The following ARL5B variants were observed in gnomAD, a reference collection of about 807,000 sequenced individuals.
The protein encoded by ARL5B is ADP-ribosylation factor-like protein 5B.
Under a neutral mutation model 26.9 loss-of-function variants are expected in ARL5B, and 10 were observed. The ratio of observed to expected loss-of-function variants is 0.37; its 90% CI spans 0.23 to 0.63. The LOEUF is 0.63. ARL5B is among the 30% of genes least tolerant of loss of function. The probability of loss-of-function intolerance (pLI) is 0.62; values close to 1 mark genes in which losing one functional copy is unlikely to be tolerated. For missense variants in ARL5B, 167 were observed against 213.9 expected, an observed-to-expected ratio of 0.78 and a Z score of 1.37; for synonymous variants, 87 against 70.4, an observed-to-expected ratio of 1.24 and a Z score of -1.18.
In ARL5B at chr10:18,659,971, G is replaced by A. The variant is rs914923810; in HGVS notation, c.46+288G>A. ...AGCGGGATACAGCTAATGATGCCAG[G>A]AGGCGTATGGAGGGCCTTTCTCGTC... is the stretch of plus-strand genomic sequence containing the variant. On this transcript the variant is annotated intron_variant, in intron 1 of 5. Coordinates refer to ENST00000377275, the MANE Select transcript of ARL5B (RefSeq NM_178815.5). 5.1e-6 allele frequency: 5 copies of A among 977,682 alleles called. No homozygotes were observed. The African/African-American group carries it at 8.8e-5, about 17-fold the overall frequency. 60.6% of individuals were successfully genotyped at this position (977,682 alleles called of 1,614,324 possible). A position where few individuals can be genotyped will look rare whatever the true frequency, so the allele number is the denominator to read the frequency against.
chr10:18,661,357 G>A (rs979366189), intron 1 of ARL5B, among the ~76,000 whole-genome samples: 11 of 152,118 alleles, frequency 7.2e-5, no homozygotes, highest in African/African-American at 2.4e-4. Flanking sequence ...CAGACTAGAG[G>A]TAATAAAAGA....
intron 2 of ARL5B, among the ~76,000 whole-genome samples, chr10:18,667,818 G>A (rs558918014): frequency 3.3e-5 from 5 of 152,036 alleles, no homozygotes; most frequent in East Asian, 1.9e-4. Context: ...AGGTTCAGGC[G>A]GTTCTCCTGC....
chr10:18,659,690 A>G lies in ARL5B; in HGVS notation c.46+7A>G. The stretch of plus-strand genomic sequence containing the variant: ...AGCCTCTTCTGTAACCAAGGTGAGA[A>G]GAATGGAGCTGCGCGGCGGCTCGAA... On this transcript the variant is annotated splice_region_variant and intron_variant, in intron 1 of 5. Transcript: ENST00000377275. 7 of 1,612,306 alleles carry G rather than the reference A, an allele frequency of 4.3e-6. No individual in the cohort carries two copies. Among genetic ancestry groups the G allele is most frequent in the Non-Finnish European group, 5.9e-6 (7 of 1,179,318 alleles).
chr10:18,661,421 C>T (rs2059835976), intron 1 of ARL5B, among the ~76,000 whole-genome samples: 1 of 152,126 alleles, frequency 6.6e-6, no homozygotes, highest in African/African-American at 2.4e-5. Context: ...TACTTTTATA[C>T]TCGCATAATT....
At chr10:18,664,851 A>G (rs950462281) in intron 1 of ARL5B, among the ~76,000 whole-genome samples, 1 of 152,178 alleles carries the variant, frequency 6.6e-6, no homozygotes, top group Non-Finnish European at 1.5e-5. Context: ...GAAGCATCAT[A>G]GTGCAAAAGT....
Position 18,668,546 on chromosome 10 carries a change from G to GT in ARL5B, c.126dup (p.His43SerfsTer11). On this transcript the variant is annotated frameshift_variant, in exon 3 of 6. Transcript: ENST00000377275. LOFTEE classifies it high-confidence loss of function. ...TTTCAACAGCTTAATGAATGAAGTG[G>GT]TTCATACTTCTCCAACCATAGGAAG... The GT allele has an allele frequency of 6.2e-7, 1 of 1,613,984 alleles. No homozygotes were observed. Among genetic ancestry groups the GT allele is most frequent in the Non-Finnish European group, 8.5e-7 (1 of 1,180,008 alleles).
chr10:18,661,583 T>C (rs2059837012), intron 1 of ARL5B, among the ~76,000 whole-genome samples: 1 of 152,094 alleles, frequency 6.6e-6, no homozygotes, highest in African/African-American at 2.4e-5. Flanking sequence ...GCATAGGAGA[T>C]ACAAAATTAA....
intron 1 of ARL5B, among the ~76,000 whole-genome samples, chr10:18,661,720 C>A (rs536296177): frequency 4.2e-4 from 64 of 152,240 alleles, no homozygotes; most frequent in African/African-American, 1.3e-3. Flanking sequence ...GGCTGCAGCA[C>A]AAGGTATACT....
chr10:18,672,169 C>G (rs2059890949), intron 3 of ARL5B, among the ~76,000 whole-genome samples: 1 of 152,016 alleles, frequency 6.6e-6, no homozygotes, highest in South Asian at 2.1e-4. Flanking sequence ...CTTTTTCTTT[C>G]AAACTAGCTT....
At chr10:18,671,582 T>C (rs997126458) in intron 3 of ARL5B, among the ~76,000 whole-genome samples, 1 of 152,092 alleles carries the variant, frequency 6.6e-6, no homozygotes, top group Non-Finnish European at 1.5e-5. Context: ...TTCTTAACTT[T>C]TTATTCTGTA....
At position 18,676,127 on chromosome 10, in the gene ARL5B, A is replaced by G. The variant is rs991840812; in HGVS notation, c.*911A>G. 6.6e-6 allele frequency: 1 copy of G among 152,526 alleles called. No individual in the cohort carries two copies. The highest frequency in any genetic ancestry group is 1.5e-5 in the Non-Finnish European group (1 of 67,938). The allele number at this position is 152,526 out of a possible 1,614,324, so 9.4% of individuals were successfully genotyped here. On this transcript the variant is annotated 3_prime_UTR_variant, in exon 6 of 6. Coordinates refer to ENST00000377275, the MANE Select transcript of ARL5B (RefSeq NM_178815.5). ...ATTTTAGCTCTTTTCTTTGCAAGAT[A>G]TATCACAGCTGCTTTGGGCAGTAGC... is the stretch of plus-strand genomic sequence containing the variant.
chr10:18,668,710 A>AACAT (rs752971354), intron 3 of ARL5B, 33 bp downstream of exon 3: 44 of 1,606,918 alleles, frequency 2.7e-5, no homozygotes, highest in Non-Finnish European at 3.7e-5. Flanking sequence ...TTTTAATCCA[A>AACAT]AGGTCCCTAG....
At chr10:18,663,289 A>G (rs2059845175) in intron 1 of ARL5B, among the ~76,000 whole-genome samples, 2 of 152,222 alleles carry the variant, frequency 1.3e-5, no homozygotes, top group South Asian at 2.1e-4. Flanking sequence ...GGCGTGAGCC[A>G]CTGCACCTGG....
chr10:18,670,544 G>C (rs1488966152), intron 3 of ARL5B, among the ~76,000 whole-genome samples: 1 of 152,186 alleles, frequency 6.6e-6, no homozygotes, highest in Non-Finnish European at 1.5e-5. Context: ...CTGGGAGGCG[G>C]AGGTGGCAGT....
At position 18,677,223 on chromosome 10, in the gene ARL5B, A is replaced by T. The variant is rs2059914139; in HGVS notation, c.*2007A>T. On this transcript the variant is annotated 3_prime_UTR_variant, in exon 6 of 6. Coordinates refer to ENST00000377275, the MANE Select transcript of ARL5B (RefSeq NM_178815.5). ...ACTATCTGCCTTCTTGTATCTAGTAAGATTGGCTGGCTCAATTTTCTTCTG... is the reference window on the plus strand; with the variant it reads ...ACTATCTGCCTTCTTGTATCTAGTATGATTGGCTGGCTCAATTTTCTTCTG... The T allele has an allele frequency of 1.3e-5, 2 of 152,038 alleles. No individual in the cohort carries two copies. Among genetic ancestry groups the T allele is most frequent in the Non-Finnish European group, 3.0e-5 (2 of 67,764 alleles). The allele number at this position is 152,038 out of a possible 1,614,324, so 9.4% of individuals were successfully genotyped here.
intron 1 of ARL5B, among the ~76,000 whole-genome samples, chr10:18,664,621 G>C (rs1478830984): frequency 6.6e-6 from 1 of 150,966 alleles, no homozygotes; most frequent in Non-Finnish European, 1.5e-5. Flanking sequence ...TGTATTTTTT[G>C]TAGAGACAGG....
At position 18,668,566 on chromosome 10, in the gene ARL5B, A is replaced by C. The variant is rs2059872049; in HGVS notation, c.144A>C (p.Ile48=). 6.2e-7 allele frequency: 1 copy of C among 1,614,012 alleles called. No homozygotes were observed. Among genetic ancestry groups the C allele is most frequent in the African/African-American group, 1.3e-5 (1 of 74,934 alleles). The part of the protein sequence containing the change: ...MNEVVHTSPT[I]GSNVEEIVVK... ...AAGTGGTTCATACTTCTCCAACCAT[A>C]GGAAGCAATGTTGAAGAAATAGTTG... Residue 48 remains isoleucine (I), a synonymous_variant, in exon 3 of 6, where the codon ATA becomes ATC. Transcript: ENST00000377275.
intron 2 of ARL5B, 48 bp from the exon 3 acceptor site, chr10:18,668,482 A>G (rs1564865079): frequency 1.2e-6 from 2 of 1,601,186 alleles, no homozygotes; most frequent in Non-Finnish European, 8.5e-7. Flanking sequence ...AAGTTGCTTC[A>G]GATTCTCAAG....
chr10:18,659,733 C>A, intron 1 of ARL5B, 50 bp downstream of exon 1: 1 of 1,596,332 alleles, frequency 6.3e-7, no homozygotes, highest in East Asian at 2.3e-5. Context: ...CAGAGGGTCC[C>A]GCCGCCGATG....
Sources: allele counts gnomAD v4.1 joint callset (sites outside exome capture counted in the v4.1 genomes callset), GRCh38; gene constraint gnomAD v4.1.1; transcripts MANE v1.5; gene names NCBI Gene and HGNC (gene_info 2026-07-23, HGNC 2026-07-21).